SLC15A5: variants seen among roughly 807,000 people sequenced by gnomAD.
SLC15A5 encodes solute carrier family 15 member 5.
In SLC15A5, 58 loss-of-function variants were observed where a neutral mutation model predicts 56.1. The observed-to-expected ratio is 1.03, with a 90% CI of 0.84 to 1.29. The LOEUF is 1.29. Ranked by LOEUF, SLC15A5 falls within the 50% of genes most tolerant of loss-of-function variation. The probability of loss-of-function intolerance (pLI) is 0.00; values close to 1 mark genes in which losing one functional copy is unlikely to be tolerated. For synonymous variants in SLC15A5, 264 were observed against 250.5 expected (o/e 1.05, Z -0.51); for missense variants, 681 against 672.1 (o/e 1.01, Z -0.15).
At position 16,243,461 on chromosome 12, in the gene SLC15A5, G is replaced by A. The variant is rs147372818; in HGVS notation, c.975+1119C>T. ...CGATCTCAGGTAATCTGCCTGCCTCGGCCTCCCAAAGTGCTGGGATTACAG... is the reference window on the plus strand; with the variant it reads ...CGATCTCAGGTAATCTGCCTGCCTCAGCCTCCCAAAGTGCTGGGATTACAG... On this transcript the variant is annotated intron_variant, in intron 4 of 8. Coordinates refer to ENST00000344941, the MANE Select transcript of SLC15A5 (RefSeq NM_001170798.1). This position sits in a 1 kb window ranked among gnomAD's most constrained non-coding sequence, Gnocchi z 4.4. 1.1e-3 allele frequency among the ~76,000 whole-genome samples: 166 copies of A among 152,040 alleles called. 1 individual carries two copies. Among genetic ancestry groups the A allele is most frequent in the African/African-American group, 3.8e-3 (156 of 41,482 alleles).
intron 7 of SLC15A5, among the ~76,000 whole-genome samples, chr12:16,199,318 A>AAAAAG (rs1225815861): frequency 6.6e-6 from 1 of 151,298 alleles, no homozygotes; most frequent in Admixed American, 6.6e-5. Flanking sequence ...AAAAAAAAAA[A>AAAAAG]AAAAAAAGGA....
intron 3 of SLC15A5, among the ~76,000 whole-genome samples, chr12:16,257,332 T>C (rs10772917): frequency 0.45 from 68,285 of 151,902 alleles, 15,569 homozygotes; most frequent in South Asian, 0.62. Context: ...GATGAGTTGA[T>C]AATTGCTGAA....
chr12:16,277,311 C>A lies in SLC15A5; in HGVS notation c.361+14G>T. The A allele has an allele frequency of 1.3e-6, 2 of 1,498,228 alleles. No homozygotes were observed. 92.8% of individuals were successfully genotyped at this position (1,498,228 alleles called of 1,614,324 possible). ...TTAAGTCACAAAACAATCCAGTCAG[C>A]AGAGGACACTCACCTAGAAAATGTA... On this transcript the variant is annotated intron_variant, in intron 1 of 8. Transcript: ENST00000344941.
At chr12:16,216,436 A>T (rs1282262001) in intron 7 of SLC15A5, among the ~76,000 whole-genome samples, 2 of 152,202 alleles carry the variant, frequency 1.3e-5, no homozygotes, top group Non-Finnish European at 2.9e-5. Context: ...TACTGGGAAA[A>T]TTTTAAAATA....
chr12:16,271,921 T>G lies in SLC15A5; in HGVS notation c.584+640A>C. On this transcript the variant is annotated intron_variant, in intron 2 of 8. Coordinates refer to ENST00000344941, the MANE Select transcript of SLC15A5 (RefSeq NM_001170798.1). The surrounding 1 kb of genome is among the most constrained non-coding windows in gnomAD (Gnocchi z 8.0). ...TTGATTTTCATGGAATATAAACTCTTTTAGGTGTTGGGAGCGAACTGGGTG... is the reference window on the plus strand; with the variant it reads ...TTGATTTTCATGGAATATAAACTCTGTTAGGTGTTGGGAGCGAACTGGGTG... Among the ~76,000 whole-genome samples, 1 of 152,152 alleles carries G rather than the reference T, an allele frequency of 6.6e-6. No individual in the cohort carries two copies. Among genetic ancestry groups the G allele is most frequent in the East Asian group, 1.9e-4 (1 of 5,190 alleles).
intron 2 of SLC15A5, among the ~76,000 whole-genome samples, chr12:16,260,885 C>G (rs1162812283): frequency 6.6e-6 from 1 of 151,784 alleles, no homozygotes; most frequent in East Asian, 1.9e-4. Context: ...ATTACAATAC[C>G]ATTTATTGAG....
intron 7 of SLC15A5, among the ~76,000 whole-genome samples, chr12:16,199,524 A>G (rs954994105): frequency 8.6e-5 from 13 of 151,708 alleles, no homozygotes; most frequent in Admixed American, 2.0e-4. Context: ...AGAGAAAGGA[A>G]CCCTCCCATT....
At chr12:16,216,217 G>A (rs1186577665) in intron 7 of SLC15A5, among the ~76,000 whole-genome samples, 1 of 152,074 alleles carries the variant, frequency 6.6e-6, no homozygotes, top group African/African-American at 2.4e-5. Flanking sequence ...AATTTCAAAA[G>A]TCCAGATTTA....
chr12:16,200,616 C>T (rs1863945876), intron 7 of SLC15A5, among the ~76,000 whole-genome samples: 1 of 151,938 alleles, frequency 6.6e-6, no homozygotes, highest in Non-Finnish European at 1.5e-5. Context: ...ACCAAACCTC[C>T]AAGAAATTGA....
chr12:16,276,718 C>A lies in SLC15A5; in HGVS notation c.361+607G>T, dbSNP rs913105014. ...TTATTAAACTATCTTGATATTTTCC[C>A]AGCATTTCTCACAATCGGTCCCAAA... is the stretch of plus-strand genomic sequence containing the variant. On this transcript the variant is annotated intron_variant, in intron 1 of 8. Coordinates refer to ENST00000344941, the MANE Select transcript of SLC15A5 (RefSeq NM_001170798.1). Among the ~76,000 whole-genome samples, 3 of 152,004 alleles carry A rather than the reference C, an allele frequency of 2.0e-5. No homozygotes were observed. In the East Asian group the frequency reaches 5.8e-4, roughly 29 times the overall value.
At position 16,268,162 on chromosome 12, in the gene SLC15A5, A is replaced by G. The variant is rs2136819830; in HGVS notation, c.584+4399T>C. Among the ~76,000 whole-genome samples the G allele has an allele frequency of 1.7e-5, 2 of 115,706 alleles. 1 individual carries two copies. Among genetic ancestry groups the G allele is most frequent in the South Asian group, 7.8e-4 (2 of 2,568 alleles). The allele number at this position is 115,706 out of a possible 152,430, so 75.9% of individuals were successfully genotyped here. On this transcript the variant is annotated intron_variant, in intron 2 of 8. Coordinates refer to ENST00000344941, the MANE Select transcript of SLC15A5 (RefSeq NM_001170798.1). ...GAGGCCAACGTGGGCAGATTGCCTG[A>G]GCTCAGGGATTTGAGACCAGCCTGG...
At chr12:16,273,917 A>T (rs931863706) in intron 1 of SLC15A5, among the ~76,000 whole-genome samples, 2 of 149,016 alleles carry the variant, frequency 1.3e-5, no homozygotes, top group African/African-American at 4.9e-5. Flanking sequence ...AAAATATTTT[A>T]AAAATATTTA....
At chr12:16,224,372 G>T (rs1453265357) in intron 6 of SLC15A5, 42 bp downstream of exon 6, 3 of 1,519,814 alleles carry the variant, frequency 2.0e-6, no homozygotes, top group Non-Finnish European at 2.6e-6. Flanking sequence ...CTGTGTAAAG[G>T]TTCAGTATGT....
chr12:16,250,104 T>C (rs552447317), intron 3 of SLC15A5, among the ~76,000 whole-genome samples: 1 of 152,070 alleles, frequency 6.6e-6, no homozygotes, highest in African/African-American at 2.4e-5. Context: ...CTAAGAAAAA[T>C]AGGCTTGGGT....
At chr12:16,246,861 T>C (rs988694109) in intron 3 of SLC15A5, among the ~76,000 whole-genome samples, 1 of 152,110 alleles carries the variant, frequency 6.6e-6, no homozygotes, top group Non-Finnish European at 1.5e-5. Flanking sequence ...TTATTTCTAA[T>C]GAGAGGTAGT....
In SLC15A5 at chr12:16,237,320, A is replaced by C. The variant is rs1443533636; in HGVS notation, c.1162+2361T>G. On this transcript the variant is annotated intron_variant, in intron 5 of 8. Transcript: ENST00000344941. The surrounding 1 kb of genome is among the most constrained non-coding windows in gnomAD (Gnocchi z 4.1). ...TCGCACTTTTATATTCCCATAGCAA[A>C]ACGTTATGCAAATAAACGTACAAGT... 2.0e-5 allele frequency among the ~76,000 whole-genome samples: 3 copies of C among 152,178 alleles called. No individual in the cohort carries two copies. The highest frequency in any genetic ancestry group is 4.4e-5 in the Non-Finnish European group (3 of 68,034).
At chr12:16,202,210 C>T (rs1242762411) in intron 7 of SLC15A5, among the ~76,000 whole-genome samples, 1 of 152,006 alleles carries the variant, frequency 6.6e-6, no homozygotes, top group Non-Finnish European at 1.5e-5. Flanking sequence ...CAAGTAAGGG[C>T]CTAATATCCA....
intron 3 of SLC15A5, among the ~76,000 whole-genome samples, chr12:16,247,505 T>G (rs1329011939): frequency 6.6e-6 from 1 of 152,132 alleles, no homozygotes; most frequent in Admixed American, 6.6e-5. Context: ...CAGGAAAATA[T>G]TAGGCAAGTT....
chr12:16,253,308 G>A (rs1346111326), intron 3 of SLC15A5, among the ~76,000 whole-genome samples: 4 of 151,830 alleles, frequency 2.6e-5, no homozygotes, highest in Non-Finnish European at 4.4e-5. Context: ...TGAAAACGTC[G>A]GCATTTCAAA....
Sources: gnomAD v4.1 joint callset for allele counts (sites outside exome capture counted in the v4.1 genomes callset) on GRCh38, gnomAD v4.1.1 for gene constraint, Gnocchi (gnomAD v3.1) non-coding constraint, MANE v1.5 for transcripts, NCBI Gene and HGNC (gene_info 2026-07-23, HGNC 2026-07-21) for gene names.